DNAH5: variants seen among roughly 807,000 people sequenced by gnomAD.
The protein encoded by DNAH5 is dynein axonemal heavy chain 5.
DNAH5 carries 372 observed loss-of-function variants against 518.2 expected under a neutral mutation model. That is an observed-to-expected ratio of 0.72 (90% CI 0.66 to 0.78). The LOEUF is 0.78. Ranked by LOEUF, DNAH5 falls within the 30% of genes least tolerant of loss-of-function variation. The pLI is 0.00. For missense variants in DNAH5, 5,523 were observed against 5,687.0 expected, an observed-to-expected ratio of 0.97 and a Z score of 0.93; for synonymous variants, 2,039 against 2,025.9, an observed-to-expected ratio of 1.01 and a Z score of -0.17.
At chr5:13,851,685 A>C (rs1224698722) in intron 30 of DNAH5, among the ~76,000 whole-genome samples, 1 of 152,128 alleles carries the variant, frequency 6.6e-6, no homozygotes, top group Non-Finnish European at 1.5e-5. Context: ...GAAAGGAAGA[A>C]ACAACACCTA....
chr5:13,696,912 C>T (rs1284662447), intron 78 of DNAH5, among the ~76,000 whole-genome samples: 1 of 152,160 alleles, frequency 6.6e-6, no homozygotes, highest in Admixed American at 6.5e-5. Context: ...TAATGAGCAT[C>T]ACCACTGGGC....
chr5:13,786,136 G>C, intron 52 of DNAH5, 43 bp downstream of exon 52: 1 of 1,603,450 alleles, frequency 6.2e-7, no homozygotes, highest in Non-Finnish European at 8.5e-7. Flanking sequence ...GAAGCCAAAT[G>C]TCTGTCACCT....
At position 13,859,095 on chromosome 5, in the gene DNAH5, A is replaced by G. The variant is rs201966172; in HGVS notation, c.4950+357T>C. 3.3e-4 allele frequency among the ~76,000 whole-genome samples: 50 copies of G among 151,810 alleles called. No homozygotes were observed. The Middle Eastern group carries it at 0.01, about 31-fold the overall frequency. ...TTACTTTAAAATGTCTGTAGTAGAA[A>G]AACTTAGCCTACCATTGTCAAGATA... On this transcript the variant is annotated intron_variant, in intron 30 of 78. Coordinates refer to ENST00000265104, the MANE Select transcript of DNAH5 (RefSeq NM_001369.3).
chr5:13,851,589 C>T (rs937899061), intron 30 of DNAH5, among the ~76,000 whole-genome samples: 1 of 152,148 alleles, frequency 6.6e-6, no homozygotes, highest in Non-Finnish European at 1.5e-5. Context: ...GGATTACAAG[C>T]ATGAGCCACT....
chr5:13,743,350 T>C (rs1748871715), intron 65 of DNAH5, among the ~76,000 whole-genome samples: 1 of 151,996 alleles, frequency 6.6e-6, no homozygotes, highest in South Asian at 2.1e-4. Flanking sequence ...GATCTAAAAG[T>C]AAGACCTGAA....
At chr5:13,890,041 G>A (rs576061998) in intron 17 of DNAH5, among the ~76,000 whole-genome samples, 2 of 152,178 alleles carry the variant, frequency 1.3e-5, no homozygotes, top group African/African-American at 4.8e-5. Flanking sequence ...ACTGCTCCCA[G>A]GAGCTTACTC....
chr5:13,930,920 A>G (rs1368031420), intron 2 of DNAH5, among the ~76,000 whole-genome samples, 190 bp downstream of exon 2: 2 of 152,226 alleles, frequency 1.3e-5, no homozygotes, highest in African/African-American at 2.4e-5. Flanking sequence ...AAGTGCCCCT[A>G]TTCAACATGG....
In DNAH5 at chr5:13,871,657, A is replaced by T; in HGVS notation, c.3505T>A (p.Phe1169Ile). The T allele has an allele frequency of 6.2e-7, 1 of 1,613,854 alleles. No individual in the cohort carries two copies. Among genetic ancestry groups the T allele is most frequent in the Non-Finnish European group, 8.5e-7 (1 of 1,179,838 alleles). The change falls in exon 23 of 79, where the codon TTT becomes ATT. Residue 1169 changes from phenylalanine (F) to isoleucine (I), a missense_variant. By Grantham distance (21) the Phe-to-Ile change is conservative. Coordinates refer to ENST00000265104, the MANE Select transcript of DNAH5 (RefSeq NM_001369.3). ...TGGAAATAGAGAATCTGGGACTCAA[A>T]TTCAGAAAGCAAGGGGCTCTGTGTA... ...FITQSPLLSE[F>I]ESQILYFQNL...
At chr5:13,969,792 G>C (rs1036382213) in intron 1 of DNAH5, among the ~76,000 whole-genome samples, 2 of 152,154 alleles carry the variant, frequency 1.3e-5, no homozygotes, top group Non-Finnish European at 2.9e-5. Flanking sequence ...TAGTTGTTGG[G>C]TAGAATGTTC....
intron 1 of DNAH5, among the ~76,000 whole-genome samples, chr5:13,962,862 A>G (rs775215473): frequency 3.9e-5 from 6 of 152,140 alleles, no homozygotes; most frequent in Non-Finnish European, 8.8e-5. Flanking sequence ...TGTCACAGGT[A>G]ATGAGAGTTT....
chr5:13,939,375 A>G (rs939938588), intron 1 of DNAH5, among the ~76,000 whole-genome samples: 2 of 152,206 alleles, frequency 1.3e-5, no homozygotes, highest in Non-Finnish European at 2.9e-5. Context: ...TACCCTGGGT[A>G]GGATAGTAGC....
intron 75 of DNAH5, among the ~76,000 whole-genome samples, chr5:13,710,759 C>T (rs1003117223): frequency 3.3e-5 from 5 of 152,118 alleles, no homozygotes; most frequent in Admixed American, 1.3e-4. Flanking sequence ...TAAACCAGAA[C>T]ACCTAGAAGA....
intron 17 of DNAH5, among the ~76,000 whole-genome samples, chr5:13,889,160 C>A (rs1772837287): frequency 6.6e-6 from 1 of 152,086 alleles, no homozygotes; most frequent in Non-Finnish European, 1.5e-5. Flanking sequence ...AGTTTCTTTC[C>A]ATTTTTAAAA....
Position 13,933,789 on chromosome 5 carries a change from C to CAAAA in DNAH5, c.58-2549_58-2546dup, listed in dbSNP as rs533169329. Among the ~76,000 whole-genome samples the CAAAA allele has an allele frequency of 2.3e-3, 193 of 82,208 alleles. 1 individual carries two copies. The highest frequency in any genetic ancestry group is 3.4e-3 in the South Asian group (7 of 2,032). The allele number at this position is 82,208 out of a possible 152,430, so 53.9% of individuals were successfully genotyped here. A position where few individuals can be genotyped will look rare whatever the true frequency, so the allele number is the denominator to read the frequency against. On this transcript the variant is annotated intron_variant, in intron 1 of 78. Transcript: ENST00000265104. ...TGGATGACAGAGTGAGACTCCACCT[C>CAAAA]AAAAAAAAAAAAAAAAAAAACTAAG...
At chr5:13,829,141 C>T (rs1291638774) in intron 38 of DNAH5, among the ~76,000 whole-genome samples, 1 of 152,134 alleles carries the variant, frequency 6.6e-6, no homozygotes, top group Non-Finnish European at 1.5e-5. Context: ...GTCAAATACT[C>T]AAGTGAGCTT....
chr5:13,948,368 C>T (rs1019279706), upstream of DNAH5, among the ~76,000 whole-genome samples: 1 of 151,626 alleles, frequency 6.6e-6, no homozygotes, highest in African/African-American at 2.4e-5. Flanking sequence ...GCAATGAAGC[C>T]TAGTTTAATG....
chr5:13,717,686 A>T (rs1389747812), intron 72 of DNAH5, among the ~76,000 whole-genome samples, 166 bp from the exon 73 acceptor site: 1 of 152,204 alleles, frequency 6.6e-6, no homozygotes, highest in Non-Finnish European at 1.5e-5. Flanking sequence ...TTGGGTGTCC[A>T]GAGGCCATTT....
intron 12 of DNAH5, among the ~76,000 whole-genome samples, chr5:13,906,404 G>A (rs913902639): frequency 1.3e-5 from 2 of 152,120 alleles, no homozygotes; most frequent in African/African-American, 4.8e-5. Context: ...CAATTTTGCT[G>A]TGAATCTACA....
At chr5:13,992,693 C>A (rs547721489) in intron 1 of DNAH5, among the ~76,000 whole-genome samples, 2 of 152,124 alleles carry the variant, frequency 1.3e-5, no homozygotes, top group Non-Finnish European at 2.9e-5. Flanking sequence ...ATCGAGTGAT[C>A]GGTATTCCAC....
Sources: allele counts gnomAD v4.1 joint callset (sites outside exome capture counted in the v4.1 genomes callset), GRCh38; gene constraint gnomAD v4.1.1; transcripts MANE v1.5; gene names NCBI Gene and HGNC (gene_info 2026-07-23, HGNC 2026-07-21).